WWC1: variants seen among roughly 807,000 people sequenced by gnomAD.
WWC1 encodes protein KIBRA.
WWC1 carries 55 observed loss-of-function variants against 138.4 expected under a neutral mutation model. The ratio of observed to expected loss-of-function variants is 0.40; its 90% CI spans 0.32 to 0.50. The LOEUF is 0.50. WWC1 is among the 20% of genes least tolerant of loss of function. WWC1 has a pLI of 0.72. For synonymous variants in WWC1, 524 were observed against 564.9 expected, an observed-to-expected ratio of 0.93 and a Z score of 1.03; for missense variants, 1,226 against 1,420.4, an observed-to-expected ratio of 0.86 and a Z score of 2.20.
At chr5:168,325,395 G>T (rs1207059458) in intron 1 of WWC1, among the ~76,000 whole-genome samples, 2 of 152,326 alleles carry the variant, frequency 1.3e-5, no homozygotes, top group South Asian at 4.1e-4. Context: ...AACTCTGGGT[G>T]TCCTAGGACA....
chr5:168,467,353 G>A (rs937617435), intron 21 of WWC1, among the ~76,000 whole-genome samples: 4 of 152,228 alleles, frequency 2.6e-5, no homozygotes, highest in South Asian at 2.1e-4. Context: ...TTTTAGGGCT[G>A]TCTGTGGTTT....
At chr5:168,326,109 G>T (rs969025966) in intron 1 of WWC1, among the ~76,000 whole-genome samples, 1 of 152,022 alleles carries the variant, frequency 6.6e-6, no homozygotes, top group African/African-American at 2.4e-5. Flanking sequence ...GAATAATGCT[G>T]CTAGGAATGT....
chr5:168,466,814 C>T (rs550099962), intron 21 of WWC1, among the ~76,000 whole-genome samples: 1 of 151,992 alleles, frequency 6.6e-6, no homozygotes, highest in Non-Finnish European at 1.5e-5. Flanking sequence ...AAAACAAGTG[C>T]CTATGTGCCC....
At chr5:168,448,420 A>G (rs1755479217) in intron 17 of WWC1, among the ~76,000 whole-genome samples, 1 of 152,180 alleles carries the variant, frequency 6.6e-6, no homozygotes, top group African/African-American at 2.4e-5. Context: ...AAAGATCCAC[A>G]AGCAAAATAA....
At chr5:168,365,569 G>C (rs1360197635) in intron 1 of WWC1, among the ~76,000 whole-genome samples, 1 of 152,144 alleles carries the variant, frequency 6.6e-6, no homozygotes, top group Admixed American at 6.5e-5. Context: ...TGCCCACCGT[G>C]GTCTCATGTC....
At chr5:168,295,125 C>A (rs140171834) in intron 1 of WWC1, among the ~76,000 whole-genome samples, 1 of 152,102 alleles carries the variant, frequency 6.6e-6, no homozygotes, top group Admixed American at 6.5e-5. Flanking sequence ...AATTTCCCTC[C>A]GGCATACCCC....
chr5:168,297,789 A>G (rs1264610325), intron 1 of WWC1, among the ~76,000 whole-genome samples: 1 of 152,178 alleles, frequency 6.6e-6, no homozygotes, highest in East Asian at 1.9e-4. Context: ...CTTCTCATCA[A>G]TGATAATAAT....
At chr5:168,294,918 G>A (rs760892381) in intron 1 of WWC1, among the ~76,000 whole-genome samples, 10 of 152,124 alleles carry the variant, frequency 6.6e-5, no homozygotes, top group Non-Finnish European at 1.0e-4. Flanking sequence ...GAGCCACCAC[G>A]CTTGGCCTTG....
At chr5:168,380,963 G>A (rs2152815454) in intron 2 of WWC1, among the ~76,000 whole-genome samples, 2 of 152,246 alleles carry the variant, frequency 1.3e-5, no homozygotes, top group Admixed American at 1.3e-4. Flanking sequence ...GGGGTGAGTA[G>A]AGGAAATTGC....
In WWC1 at chr5:168,371,489, C is replaced by T. The variant is rs371351311; in HGVS notation, c.185C>T (p.Ala62Val). ...SDELPLGWEE[A>V]YDPQVGDYFI... is the part of the protein sequence containing the mutation. ...GAGTTGCCGCTAGGATGGGAAGAGGCATATGACCCACAGGTTGGAGATTAC... is the reference window on the plus strand; with the variant it reads ...GAGTTGCCGCTAGGATGGGAAGAGGTATATGACCCACAGGTTGGAGATTAC... Residue 62 changes from alanine (A) to valine (V), a missense_variant, in exon 2 of 23, where the codon GCA becomes GTA. Physicochemically the swap from Ala to Val is moderately conservative, Grantham distance 64. This residue lies in a region of WWC1 where 1,016 missense variants were observed against 1,153.9 expected (regional missense o/e 0.88). Coordinates refer to ENST00000265293, the MANE Select transcript of WWC1 (RefSeq NM_015238.3). 4.3e-6 allele frequency: 7 copies of T among 1,613,916 alleles called. No individual in the cohort carries two copies. Among genetic ancestry groups the T allele is most frequent in the Non-Finnish European group, 5.9e-6 (7 of 1,179,992 alleles).
At chr5:168,317,135 G>A (rs115567889) in intron 1 of WWC1, among the ~76,000 whole-genome samples, 4,364 of 152,210 alleles carry the variant, frequency 0.029, 213 homozygotes, top group African/African-American at 0.098. Flanking sequence ...AGAGAGGTTA[G>A]GGAACTTACC....
At chr5:168,384,735 T>C (rs964167432) in intron 2 of WWC1, among the ~76,000 whole-genome samples, 9 of 114,206 alleles carry the variant, frequency 7.9e-5, no homozygotes, top group South Asian at 3.3e-4. Flanking sequence ...TTTTTTTTTT[T>C]CAGACAGAGT....
chr5:168,373,757 T>TG (rs933734884), intron 2 of WWC1, among the ~76,000 whole-genome samples: 2 of 87,230 alleles, frequency 2.3e-5, no homozygotes, highest in African/African-American at 8.6e-5. Flanking sequence ...AAAAAAAAGG[T>TG]GGGGGTGTGC....
At chr5:168,431,508 G>T in intron 15 of WWC1, 64 bp downstream of exon 15, 1 of 1,525,404 alleles carries the variant, frequency 6.6e-7, no homozygotes, top group Non-Finnish European at 8.8e-7. Flanking sequence ...CTGGCTGACC[G>T]GCCTTCTGTG....
At chr5:168,429,206 C>T (rs1781745235) in intron 13 of WWC1, among the ~76,000 whole-genome samples, 1 of 151,550 alleles carries the variant, frequency 6.6e-6, no homozygotes, top group Non-Finnish European at 1.5e-5. Flanking sequence ...GGTCAATACA[C>T]ACATGGTTGT....
At chr5:168,460,803 G>A in intron 20 of WWC1, 61 bp downstream of exon 20, 1 of 1,542,474 alleles carries the variant, frequency 6.5e-7, no homozygotes, top group East Asian at 2.3e-5. Context: ...CCCAAGCCCT[G>A]TGTCCTGCAC....
chr5:168,372,052 T>TG (rs1491466257), intron 2 of WWC1, among the ~76,000 whole-genome samples: 24 of 110,572 alleles, frequency 2.2e-4, no homozygotes, highest in Non-Finnish European at 3.2e-4. Context: ...AAAGAGTGTG[T>TG]TTGTGTGTGT....
intron 1 of WWC1, among the ~76,000 whole-genome samples, chr5:168,313,190 C>G (rs1158994604): frequency 6.6e-6 from 1 of 152,254 alleles, no homozygotes; most frequent in Non-Finnish European, 1.5e-5. Flanking sequence ...GTTTCTGCCT[C>G]AAACCCCTGT....
rs933252061 is a variant in WWC1 at position 168,408,965 on chromosome 5, GT to G, written c.867+322del. Among the ~76,000 whole-genome samples the G allele has an allele frequency of 8.0e-5, 12 of 150,002 alleles. No individual in the cohort carries two copies. The South Asian group carries it at 8.5e-4, about 11-fold the overall frequency. On this transcript the variant is annotated intron_variant, in intron 7 of 22. Transcript: ENST00000265293. ...TTAAAGGACAAAATGTCTTTCTCTG[GT>G]TTTTTTTTTCCATACTATTTTGCAG...
Sources: gnomAD v4.1 joint callset for allele counts (sites outside exome capture counted in the v4.1 genomes callset) on GRCh38, gnomAD v4.1.1 for gene constraint, gnomAD v4.1.1 regional missense constraint, MANE v1.5 for transcripts, NCBI Gene and HGNC (gene_info 2026-07-23, HGNC 2026-07-21) for gene names.